The following TMEM135 variants were observed in gnomAD, a reference collection of about 807,000 sequenced individuals.
TMEM135 encodes transmembrane protein 135, also known as peroxisomal membrane protein 52.
In TMEM135, 30 loss-of-function variants were observed where a neutral mutation model predicts 60.3. That is an observed-to-expected ratio of 0.50 (90% CI 0.37 to 0.68). TMEM135 has a LOEUF of 0.68. TMEM135 is among the 30% of genes least tolerant of loss of function. The pLI is 0.00. For missense variants in TMEM135, 468 were observed against 548.8 expected, an observed-to-expected ratio of 0.85 and a Z score of 1.47; for synonymous variants, 190 against 186.7, an observed-to-expected ratio of 1.02 and a Z score of -0.14.
chr11:87,305,914 AT>A, intron 8 of TMEM135, 21 bp from the exon 9 acceptor site: 16 of 1,596,240 alleles, frequency 1.0e-5, no homozygotes, highest in Admixed American at 3.4e-5. Flanking sequence ...AATTAGTTTA[AT>A]TTTTTTGGGT....
At chr11:87,104,366 G>A (rs943102082) in intron 4 of TMEM135, among the ~76,000 whole-genome samples, 2 of 152,160 alleles carry the variant, frequency 1.3e-5, no homozygotes, top group African/African-American at 2.4e-5. Flanking sequence ...ATCAGGGAAT[G>A]TGATGGCTTC....
intron 5 of TMEM135, among the ~76,000 whole-genome samples, chr11:87,181,967 A>C (rs1939526759): frequency 6.6e-6 from 1 of 150,982 alleles, no homozygotes; most frequent in Non-Finnish European, 1.5e-5. Context: ...TTTTTTTTTA[A>C]AGAGAGAATT....
chr11:87,208,347 A>G (rs577686650), intron 5 of TMEM135, among the ~76,000 whole-genome samples: 1 of 152,198 alleles, frequency 6.6e-6, no homozygotes, highest in Non-Finnish European at 1.5e-5. Flanking sequence ...TTTGAAGACT[A>G]CATAACCATT....
At chr11:87,196,379 TA>T (rs1022769374) in intron 5 of TMEM135, among the ~76,000 whole-genome samples, 4 of 151,890 alleles carry the variant, frequency 2.6e-5, no homozygotes, top group African/African-American at 9.7e-5. Flanking sequence ...TAACACATTT[TA>T]AAAAAAATTT....
chr11:87,047,468 G>C (rs1298734998), intron 1 of TMEM135, among the ~76,000 whole-genome samples: 1 of 151,224 alleles, frequency 6.6e-6, no homozygotes, highest in African/African-American at 2.4e-5. Flanking sequence ...CGCACCGTGC[G>C]CGAGCCGAAG....
intron 1 of TMEM135, among the ~76,000 whole-genome samples, chr11:87,062,146 C>T (rs1272922581): frequency 6.6e-5 from 10 of 152,046 alleles, no homozygotes; most frequent in African/African-American, 2.2e-4. Flanking sequence ...GCTGGGATTA[C>T]AGGGACACAC....
chr11:87,194,710 T>C (rs1159776854), intron 5 of TMEM135, among the ~76,000 whole-genome samples: 1 of 152,036 alleles, frequency 6.6e-6, no homozygotes, highest in African/African-American at 2.4e-5. Context: ...CTGTTCATCT[T>C]CCATAATTCT....
At chr11:87,198,562 C>CCTCCCCTCTCCG (rs1940014581) in intron 5 of TMEM135, among the ~76,000 whole-genome samples, 1 of 147,048 alleles carries the variant, frequency 6.8e-6, no homozygotes, top group African/African-American at 2.5e-5. Flanking sequence ...TCCCCTCTCC[C>CCTCCCCTCTCCG]CTCCCCTCTC....
chr11:87,041,222 G>A (rs927197674), intron 1 of TMEM135, among the ~76,000 whole-genome samples: 7 of 151,704 alleles, frequency 4.6e-5, no homozygotes, highest in African/African-American at 1.7e-4. Context: ...CTGAAGGTTA[G>A]AGACATTAAG....
intron 6 of TMEM135, among the ~76,000 whole-genome samples, chr11:87,281,523 T>C (rs1942059539): frequency 6.6e-6 from 1 of 152,230 alleles, no homozygotes; most frequent in African/African-American, 2.4e-5. Flanking sequence ...AAAAAGACTA[T>C]TGATAGTATT....
chr11:87,314,495 T>G lies in TMEM135; in HGVS notation c.1025T>G (p.Met342Arg). 6.2e-7 allele frequency: 1 copy of G among 1,610,730 alleles called. No homozygotes were observed. Among genetic ancestry groups the G allele is most frequent in the Middle Eastern group, 1.7e-4 (1 of 6,034 alleles). Residue 342 changes from methionine to arginine, a missense_variant, in exon 12 of 15, where the codon ATG (methionine) becomes AGG (arginine). Coordinates refer to ENST00000305494, the MANE Select transcript of TMEM135 (RefSeq NM_022918.4). The stretch of plus-strand genomic sequence containing the variant: ...GGATTTTTGGCAGGTATATCAATGA[T>G]GTTTTATAAAAGCACAACAATTTCC... Reference protein sequence around the residue: ...IAGFLAGISMMFYKSTTISMY... With the variant: ...IAGFLAGISMRFYKSTTISMY...
At chr11:87,088,716 A>T (rs917982066) in intron 3 of TMEM135, among the ~76,000 whole-genome samples, 1 of 152,220 alleles carries the variant, frequency 6.6e-6, no homozygotes, top group Admixed American at 6.5e-5. Context: ...ATCTCCAAAG[A>T]TATTAGAAAC....
At chr11:87,309,695 G>GA (rs1340841248) in intron 10 of TMEM135, 23 bp downstream of exon 10, 1 of 1,608,802 alleles carries the variant, frequency 6.2e-7, no homozygotes, top group African/African-American at 1.3e-5. Flanking sequence ...GAAGAGGAAA[G>GA]AAAAATGGGA....
chr11:87,138,095 T>TTTC (rs1445119481), intron 4 of TMEM135, among the ~76,000 whole-genome samples: 1 of 151,294 alleles, frequency 6.6e-6, no homozygotes, highest in Non-Finnish European at 1.5e-5. Flanking sequence ...TTTCTTTTTT[T>TTTC]TTTTTTTTCC....
chr11:87,060,939 G>A (rs950020544), intron 1 of TMEM135, among the ~76,000 whole-genome samples: 1 of 152,080 alleles, frequency 6.6e-6, no homozygotes, highest in Non-Finnish European at 1.5e-5. Context: ...ACCGCACCCG[G>A]CCTGTCCTTT....
intron 4 of TMEM135, among the ~76,000 whole-genome samples, chr11:87,127,574 C>G (rs967196407): frequency 6.6e-6 from 1 of 152,096 alleles, no homozygotes; most frequent in African/African-American, 2.4e-5. Flanking sequence ...TACTGGAAAT[C>G]TATTAAATTA....
intron 8 of TMEM135, among the ~76,000 whole-genome samples, chr11:87,303,545 A>G (rs1473426162): frequency 1.3e-5 from 2 of 152,210 alleles, no homozygotes; most frequent in African/African-American, 4.8e-5. Flanking sequence ...CCAAGTTCTT[A>G]TCTGTTAACT....
At chr11:87,304,959 G>A (rs542008427) in intron 8 of TMEM135, among the ~76,000 whole-genome samples, 3 of 152,270 alleles carry the variant, frequency 2.0e-5, no homozygotes, top group African/African-American at 7.2e-5. Flanking sequence ...TAAAATGAGT[G>A]CATCCTGAAC....
chr11:87,171,055 A>G (rs533123757), intron 5 of TMEM135, among the ~76,000 whole-genome samples: 31 of 152,282 alleles, frequency 2.0e-4, no homozygotes, highest in Non-Finnish European at 4.1e-4. Context: ...AGCAAGGAGA[A>G]GAGGCCAAAA....
Sources: allele counts gnomAD v4.1 joint callset (sites outside exome capture counted in the v4.1 genomes callset), GRCh38; gene constraint gnomAD v4.1.1; transcripts MANE v1.5; gene names NCBI Gene and HGNC (gene_info 2026-07-23, HGNC 2026-07-21).